Variants in TUT4 observed in about 807,000 individuals in gnomAD.
TUT4 encodes the protein terminal uridylyltransferase 4.
Under a neutral mutation model 192.2 loss-of-function variants are expected in TUT4, and 36 were observed. The ratio of observed to expected loss-of-function variants is 0.19; its 90% CI spans 0.14 to 0.25. The LOEUF (loss-of-function observed/expected upper bound fraction) is 0.25, where lower values mean the gene tolerates loss of function less well. Among genes scored for constraint, TUT4 ranks in the 10% least tolerant of loss-of-function variants. TUT4 has a pLI of 1.00. For synonymous variants in TUT4, 618 were observed against 666.0 expected (o/e 0.93, Z 1.11); for missense variants, 1,493 against 1,957.2 (o/e 0.76, Z 4.47).
chr1:52,533,903 T>C (rs1482748958), intron 1 of TUT4, among the ~76,000 whole-genome samples: 1 of 152,124 alleles, frequency 6.6e-6, no homozygotes, highest in African/African-American at 2.4e-5. Flanking sequence ...GAGGCGGAGA[T>C]TGCAGTGAGC....
In TUT4 at chr1:52,449,452, C is replaced by T. The variant is rs377274333; in HGVS notation, c.3436-2785G>A. Among the ~76,000 whole-genome samples, 17 of 152,276 alleles carry T rather than the reference C, an allele frequency of 1.1e-4. No homozygotes were observed. The East Asian group carries it at 2.7e-3, about 24-fold the overall frequency. On this transcript the variant is annotated intron_variant, in intron 20 of 29. Coordinates refer to ENST00000257177, the MANE Select transcript of TUT4 (RefSeq NM_001009881.3). ...TAGCTGGGATTACAGGCATATGCCA[C>T]CATGCCTGGCTAATTTTTGTATTTT...
chr1:52,483,322 C>A (rs1012672338), intron 9 of TUT4, among the ~76,000 whole-genome samples: 3 of 152,070 alleles, frequency 2.0e-5, no homozygotes, highest in African/African-American at 4.8e-5. Context: ...TAGATAATAA[C>A]CCTTTACGTC....
chr1:52,455,937 C>T (rs1660806339), intron 20 of TUT4, among the ~76,000 whole-genome samples: 1 of 152,176 alleles, frequency 6.6e-6, no homozygotes, highest in Non-Finnish European at 1.5e-5. Flanking sequence ...AATGTGACTC[C>T]TTCGTATTCA....
intron 8 of TUT4, among the ~76,000 whole-genome samples, chr1:52,490,175 G>A (rs1314451538): frequency 7.8e-6 from 1 of 128,498 alleles, no homozygotes; most frequent in Admixed American, 9.8e-5. Flanking sequence ...TTTTGAGACA[G>A]GGTCTCACTC....
intron 24 of TUT4, among the ~76,000 whole-genome samples, chr1:52,445,011 A>G (rs1040787060): frequency 7.4e-6 from 1 of 134,950 alleles, no homozygotes; most frequent in Admixed American, 7.0e-5. Flanking sequence ...GTATGTGTGT[A>G]TATATATGTA....
chr1:52,481,752 A>G, intron 10 of TUT4, 52 bp downstream of exon 10: 1 of 1,550,356 alleles, frequency 6.5e-7, no homozygotes, highest in Non-Finnish European at 8.6e-7. Flanking sequence ...AGTTCTCTGC[A>G]AGAGCAAACT....
Position 52,436,860 on chromosome 1 carries a change from T to C in TUT4, c.4057A>G (p.Arg1353Gly). 3 of 1,613,858 alleles carry C rather than the reference T, an allele frequency of 1.9e-6. No individual in the cohort carries two copies. Among genetic ancestry groups the C allele is most frequent in the Non-Finnish European group, 2.5e-6 (3 of 1,179,978 alleles). Residue 1353 changes from arginine (R) to glycine (G), a missense_variant, in exon 26 of 30, where the codon AGA becomes GGA. Arg to Gly is a moderately radical substitution (Grantham distance 125). Around this residue, in one of 7 missense-constraint regions of TUT4, gnomAD observed 351 missense variants for 397.8 expected, o/e 0.88. Transcript: ENST00000257177. The stretch of plus-strand genomic sequence containing the variant: ...AAACATCTGAGGTCTCTCGGGTCTC[T>C]AAAGTCTCGAGTATCGTGGAGGTCT... ...PRDLHDTRDFRDPRDLRCFIC... is the reference protein window; with the variant it reads ...PRDLHDTRDFGDPRDLRCFIC...
At chr1:52,520,359 C>CT (rs1321156579) in intron 2 of TUT4, among the ~76,000 whole-genome samples, 2 of 152,168 alleles carry the variant, frequency 1.3e-5, no homozygotes, top group African/African-American at 4.8e-5. Flanking sequence ...ATTCTGCTTA[C>CT]TATACTGAAA....
intron 28 of TUT4, among the ~76,000 whole-genome samples, chr1:52,430,619 A>G (rs1355192858): frequency 6.6e-6 from 1 of 152,246 alleles, no homozygotes; most frequent in Non-Finnish European, 1.5e-5. Flanking sequence ...AAGACAGTGA[A>G]GTTACTTAAC....
chr1:52,487,741 TAAAC>T (rs1263989275), intron 9 of TUT4, among the ~76,000 whole-genome samples: 2 of 151,676 alleles, frequency 1.3e-5, no homozygotes, highest in African/African-American at 2.4e-5. Context: ...CATCTCTACT[TAAAC>T]AAACAAACAA....
chr1:52,491,059 T>C (rs749791900), intron 7 of TUT4, among the ~76,000 whole-genome samples: 14 of 152,150 alleles, frequency 9.2e-5, no homozygotes, highest in Non-Finnish European at 1.5e-4. Flanking sequence ...TTAACATCCC[T>C]AAAAGTTTTA....
intron 2 of TUT4, among the ~76,000 whole-genome samples, chr1:52,523,903 G>T (rs1680982101): frequency 1.3e-5 from 2 of 152,014 alleles, no homozygotes; most frequent in South Asian, 4.1e-4. Context: ...TCAAAGTGTG[G>T]CAAATAATGA....
chr1:52,477,888 A>G lies in TUT4; in HGVS notation c.1849-6T>C. 1 of 1,575,638 alleles carries G rather than the reference A, an allele frequency of 6.3e-7. No individual in the cohort carries two copies. Among genetic ancestry groups the G allele is most frequent in the Non-Finnish European group, 8.6e-7 (1 of 1,166,474 alleles). On this transcript the variant is annotated splice_region_variant and splice_polypyrimidine_tract_variant and intron_variant, in intron 11 of 29. Coordinates refer to ENST00000257177, the MANE Select transcript of TUT4 (RefSeq NM_001009881.3). ...GTTTCCAATGCTAAAGGAGACTGGA[A>G]AAGAAAAAATACTTTTCATTTAAGC...
chr1:52,550,772 G>A (rs1571597832), intron 1 of TUT4, among the ~76,000 whole-genome samples: 1 of 152,114 alleles, frequency 6.6e-6, no homozygotes, highest in Admixed American at 6.6e-5. Flanking sequence ...TGAGATTACA[G>A]GCGTGAGTGA....
rs749845252 is a variant in TUT4 at position 52,526,044 on chromosome 1, G to A, written c.237C>T (p.Asn79=). 1 of 1,611,938 alleles carries A rather than the reference G, an allele frequency of 6.2e-7. No homozygotes were observed. The change falls in exon 2 of 30, where the codon AAC becomes AAT. Residue 79 remains asparagine (N), a synonymous_variant. Coordinates refer to ENST00000257177, the MANE Select transcript of TUT4 (RefSeq NM_001009881.3). ...EVKSCKVNAA[N]LPGPKDLGLV... ...ACCCCAAATCTTTAGGACCTGGAAG[G>A]TTGGCAGCATTTACTTTACATGATT...
At chr1:52,483,283 A>G (rs1056892848) in intron 9 of TUT4, among the ~76,000 whole-genome samples, 2 of 152,202 alleles carry the variant, frequency 1.3e-5, no homozygotes, top group Non-Finnish European at 2.9e-5. Context: ...ATTTTCATCC[A>G]ATACATCAAT....
At chr1:52,482,027 G>C in intron 9 of TUT4, 104 bp from the exon 10 acceptor site, 1 of 949,644 alleles carries the variant, frequency 1.1e-6, no homozygotes, top group Non-Finnish European at 1.4e-6. Context: ...AAGTTCAAAT[G>C]ACAATGAAAA....
chr1:52,466,789 G>A (rs1031414959), intron 15 of TUT4, among the ~76,000 whole-genome samples: 21 of 151,026 alleles, frequency 1.4e-4, no homozygotes, highest in Non-Finnish European at 2.9e-4. Flanking sequence ...TCCTGCCTCA[G>A]CCTGAGTAGC....
chr1:52,512,121 A>G (rs1266975623), intron 3 of TUT4, among the ~76,000 whole-genome samples: 1 of 152,230 alleles, frequency 6.6e-6, no homozygotes, highest in Non-Finnish European at 1.5e-5. Flanking sequence ...AAGTCTACCA[A>G]GAAAATCTTG....
Sources: allele counts gnomAD v4.1 joint callset (sites outside exome capture counted in the v4.1 genomes callset), GRCh38; gene constraint gnomAD v4.1.1; regional missense constraint gnomAD v4.1.1; transcripts MANE v1.5; gene names NCBI Gene and HGNC (gene_info 2026-07-23, HGNC 2026-07-21).